CEP295: variants seen among roughly 807,000 people sequenced by gnomAD.
CEP295 encodes the protein centrosomal protein of 295 kDa.
In CEP295, 190 loss-of-function variants were observed where a neutral mutation model predicts 291.6. The ratio of observed to expected loss-of-function variants is 0.65; its 90% CI spans 0.58 to 0.73. The LOEUF is 0.73. CEP295 is among the 30% of genes least tolerant of loss of function. CEP295 has a pLI of 0.00. For missense variants in CEP295, 2,863 were observed against 2,949.4 expected, an observed-to-expected ratio of 0.97 and a Z score of 0.68; for synonymous variants, 993 against 1,038.8, an observed-to-expected ratio of 0.96 and a Z score of 0.85.
intron 18 of CEP295, among the ~76,000 whole-genome samples, chr11:93,712,582 G>A (rs1204487310): frequency 6.6e-6 from 1 of 152,118 alleles, no homozygotes; most frequent in African/African-American, 2.4e-5. Flanking sequence ...TATAAGTATA[G>A]CTACTCTTGC....
intron 26 of CEP295, 40 bp downstream of exon 26, chr11:93,729,570 G>GAT: frequency 2.6e-6 from 4 of 1,548,288 alleles, no homozygotes; most frequent in Non-Finnish European, 2.6e-6. Context: ...ATGGAAAGTA[G>GAT]ATACTTTGCC....
At position 93,697,182 on chromosome 11, in the gene CEP295, C is replaced by A. The variant is rs1951885954; in HGVS notation, c.2270C>A (p.Ala757Glu). The A allele has an allele frequency of 6.4e-7, 1 of 1,551,706 alleles. No homozygotes were observed. Among genetic ancestry groups the A allele is most frequent in the African/African-American group, 1.4e-5 (1 of 73,040 alleles). Residue 757 changes from alanine to glutamate, a missense_variant, in exon 15 of 30, where the codon GCA (alanine) becomes GAA (glutamate). Coordinates refer to ENST00000325212, the MANE Select transcript of CEP295 (RefSeq NM_033395.2). ...AGAAAAATATCTGAAACATTTGGGG[C>A]AACAACTTTTCAAAGTTTAGAATCC... ...DARKISETFG[A>E]TTFQSLESQQ...
At chr11:93,701,236 G>A (rs1952138149) in intron 15 of CEP295, among the ~76,000 whole-genome samples, 1 of 152,030 alleles carries the variant, frequency 6.6e-6, no homozygotes, top group African/African-American at 2.4e-5. Flanking sequence ...ATGGTAGCAT[G>A]TACCTCTAGT....
At chr11:93,720,103 A>G (rs989832285) in intron 18 of CEP295, among the ~76,000 whole-genome samples, 3 of 151,766 alleles carry the variant, frequency 2.0e-5, no homozygotes, top group African/African-American at 7.3e-5. Context: ...CATGCCTATA[A>G]TCCCAGCTAC....
intron 1 of CEP295, among the ~76,000 whole-genome samples, chr11:93,665,384 A>G (rs939905885): frequency 1.1e-4 from 17 of 152,236 alleles, no homozygotes; most frequent in African/African-American, 3.9e-4. Flanking sequence ...GGGAGGAGAG[A>G]GAGAACACAG....
Position 93,702,911 on chromosome 11 carries a change from C to T in CEP295, c.5588C>T (p.Ser1863Phe), listed in dbSNP as rs1026722342. 6.5e-7 allele frequency: 1 copy of T among 1,546,276 alleles called. No homozygotes were observed. Among genetic ancestry groups the T allele is most frequent in the Non-Finnish European group, 8.7e-7 (1 of 1,145,480 alleles). Residue 1863 changes from serine to phenylalanine, a missense_variant, in exon 17 of 30, where the codon TCT becomes TTT. Transcript: ENST00000325212. The stretch of plus-strand genomic sequence containing the variant: ...GAGTCACCAGCAATTGGCAGAACTT[C>T]TATACTAGGTAAATAGATGCTTTGA... Reference protein sequence around the residue: ...EVESPAIGRTSILGKPGIYED... With the variant: ...EVESPAIGRTFILGKPGIYED...
intron 15 of CEP295, among the ~76,000 whole-genome samples, chr11:93,700,845 C>A (rs1952112722): frequency 6.6e-6 from 1 of 152,166 alleles, no homozygotes; most frequent in Non-Finnish European, 1.5e-5. Flanking sequence ...AGACATTGTG[C>A]TCTTTGTTGA....
intron 9 of CEP295, among the ~76,000 whole-genome samples, chr11:93,685,799 C>T (rs1408444275): frequency 6.6e-6 from 1 of 152,188 alleles, no homozygotes; most frequent in Non-Finnish European, 1.5e-5. Context: ...CAACCTCCAC[C>T]TCCCGGGTTC....
chr11:93,728,736 CCA>C lies in CEP295; in HGVS notation c.7219_7220del (p.Thr2407Ter). On this transcript the variant is annotated frameshift_variant, in exon 25 of 30. Transcript: ENST00000325212. LOFTEE classifies it high-confidence loss of function. The stretch of plus-strand genomic sequence containing the variant: ...GAACCAGAACTTACTTTAATAAGCA[CCA>C]CTGATACCAGTATTGCTGAAATGGA... 6.5e-7 allele frequency: 1 copy of C among 1,550,092 alleles called. No homozygotes were observed.
chr11:93,665,447 C>T (rs1950163962), intron 1 of CEP295, among the ~76,000 whole-genome samples: 1 of 152,212 alleles, frequency 6.6e-6, no homozygotes, highest in Admixed American at 6.5e-5. Flanking sequence ...GTGGCTCACA[C>T]CTTTAATCCC....
chr11:93,726,854 C>T, intron 23 of CEP295, 122 bp from the exon 24 acceptor site: 1 of 710,314 alleles, frequency 1.4e-6, no homozygotes, highest in Non-Finnish European at 2.3e-6. Flanking sequence ...TTATACACAT[C>T]AACTTTTATG....
chr11:93,721,088 T>C (rs558305814), intron 18 of CEP295, among the ~76,000 whole-genome samples: 2 of 152,340 alleles, frequency 1.3e-5, no homozygotes, highest in South Asian at 2.1e-4. Context: ...AAAATAACAA[T>C]AGCTACAGTT....
Position 93,707,505 on chromosome 11 carries a change from T to C in CEP295, c.5749+608T>C, listed in dbSNP as rs548298011. On this transcript the variant is annotated intron_variant, in intron 18 of 29. Transcript: ENST00000325212. ...TTGGCCGGGTGCAGTGGCTCACATC[T>C]GTAATCCTAGCACTTTGGGAGGCCA... Among the ~76,000 whole-genome samples the C allele has an allele frequency of 8.5e-5, 13 of 152,286 alleles. No individual in the cohort carries two copies. The South Asian group carries it at 2.5e-3, about 29-fold the overall frequency.
chr11:93,687,391 T>G (rs568081606), intron 9 of CEP295, among the ~76,000 whole-genome samples: 1 of 152,352 alleles, frequency 6.6e-6, no homozygotes, highest in East Asian at 1.9e-4. Context: ...GCTTGATATT[T>G]GTGTTGCATA....
intron 5 of CEP295, among the ~76,000 whole-genome samples, chr11:93,675,201 A>G (rs1950629169): frequency 2.0e-5 from 3 of 152,212 alleles, no homozygotes; most frequent in Admixed American, 2.0e-4. Flanking sequence ...AAGAGGACAT[A>G]GTAGTGCATG....
intron 5 of CEP295, among the ~76,000 whole-genome samples, chr11:93,673,825 G>C (rs1411835031): frequency 6.6e-6 from 1 of 152,020 alleles, no homozygotes; most frequent in African/African-American, 2.4e-5. Context: ...ACTGGGCTCT[G>C]TTCCATGGAT....
At position 93,674,087 on chromosome 11, in the gene CEP295, C is replaced by T. The variant is rs188840363; in HGVS notation, c.529-1484C>T. 3.2e-4 allele frequency among the ~76,000 whole-genome samples: 48 copies of T among 152,114 alleles called. No homozygotes were observed. The East Asian group carries it at 4.1e-3, about 13-fold the overall frequency. On this transcript the variant is annotated intron_variant, in intron 5 of 29. Coordinates refer to ENST00000325212, the MANE Select transcript of CEP295 (RefSeq NM_033395.2). ...AAGCAGTTATCTTGCCTCAGCCTCC[C>T]TAGCAGCAGGGATTACAGGTGTGTG...
intron 1 of CEP295, among the ~76,000 whole-genome samples, chr11:93,663,215 C>T (rs1164105788): frequency 6.6e-6 from 1 of 152,224 alleles, no homozygotes; most frequent in Non-Finnish European, 1.5e-5. Context: ...AGGCCTGTTC[C>T]TGAGAATCTC....
At chr11:93,666,178 G>T (rs1950200389) in intron 1 of CEP295, among the ~76,000 whole-genome samples, 1 of 152,164 alleles carries the variant, frequency 6.6e-6, no homozygotes, top group Non-Finnish European at 1.5e-5. Context: ...CCACCCTTCT[G>T]AGTATCACTG....
Sources: allele counts gnomAD v4.1 joint callset (sites outside exome capture counted in the v4.1 genomes callset), GRCh38; gene constraint gnomAD v4.1.1; transcripts MANE v1.5; gene names NCBI Gene and HGNC (gene_info 2026-07-23, HGNC 2026-07-21).